SNTG1: variants seen among roughly 807,000 people sequenced by gnomAD.
SNTG1 encodes syntrophin gamma 1.
Under a neutral mutation model 74.7 loss-of-function variants are expected in SNTG1, and 39 were observed. The observed-to-expected ratio is 0.52, with a 90% CI of 0.40 to 0.68. The LOEUF (loss-of-function observed/expected upper bound fraction) is 0.68, where lower values mean the gene tolerates loss of function less well. Ranked by LOEUF, SNTG1 falls within the 30% of genes least tolerant of loss-of-function variation. The pLI, the probability that SNTG1 is intolerant of heterozygous loss-of-function variation, is 0.00. For missense variants in SNTG1, 685 were observed against 609.5 expected (o/e 1.12, Z -1.30); for synonymous variants, 254 against 217.1 (o/e 1.17, Z -1.49).
chr8:50,249,832 A>G lies in SNTG1; in HGVS notation c.-28+77197A>G, dbSNP rs567622264. On this transcript the variant is annotated intron_variant, in intron 2 of 18. Transcript: ENST00000642720. ...CATTTACAGGAAAAAGCTTTTTCCT[A>G]TGAAAGTTATTCCATAAATTGGAAA... Among the ~76,000 whole-genome samples the G allele has an allele frequency of 3.9e-5, 6 of 152,300 alleles. No homozygotes were observed. The South Asian group carries it at 6.2e-4, about 16-fold the overall frequency.
intron 2 of SNTG1, among the ~76,000 whole-genome samples, chr8:50,191,025 T>A (rs1193472160): frequency 6.6e-6 from 1 of 152,208 alleles, no homozygotes; most frequent in Non-Finnish European, 1.5e-5. Context: ...CGCTATTTTT[T>A]CTTTCACTGG....
intron 8 of SNTG1, among the ~76,000 whole-genome samples, chr8:50,482,469 A>C (rs541985656): frequency 2.0e-5 from 3 of 152,278 alleles, no homozygotes; most frequent in Admixed American, 2.0e-4. Context: ...TCTCATTTGA[A>C]AGTATTACAT....
intron 1 of SNTG1, among the ~76,000 whole-genome samples, chr8:50,019,782 A>G (rs867123400): frequency 2.6e-5 from 4 of 152,074 alleles, no homozygotes; most frequent in African/African-American, 9.7e-5. Context: ...ATTGAAATAC[A>G]ATTGTACAAA....
At chr8:49,932,788 C>T (rs1181166732) in intron 1 of SNTG1, among the ~76,000 whole-genome samples, 6 of 152,106 alleles carry the variant, frequency 3.9e-5, no homozygotes, top group Admixed American at 3.9e-4. Flanking sequence ...CCTTTCCTCC[C>T]AGACCTTGGC....
chr8:50,298,658 A>G (rs1041037253), intron 2 of SNTG1, among the ~76,000 whole-genome samples: 6 of 152,166 alleles, frequency 3.9e-5, no homozygotes, highest in Non-Finnish European at 7.4e-5. Context: ...AAAACCTAAC[A>G]AGCTTCAATT....
intron 18 of SNTG1, among the ~76,000 whole-genome samples, chr8:50,774,386 G>A (rs1424902625): frequency 1.3e-5 from 2 of 151,892 alleles, no homozygotes; most frequent in African/African-American, 2.4e-5. Flanking sequence ...GCAAAGAGTC[G>A]TTAATAAGAA....
chr8:49,935,417 G>A, intron 1 of SNTG1, among the ~76,000 whole-genome samples: 1 of 125,822 alleles, frequency 7.9e-6, no homozygotes, highest in Admixed American at 9.3e-5. Flanking sequence ...TTGGTGTCAA[G>A]CACAGGCCTT....
intron 17 of SNTG1, among the ~76,000 whole-genome samples, chr8:50,736,878 C>T (rs902043685): frequency 6.6e-6 from 1 of 151,908 alleles, no homozygotes; most frequent in African/African-American, 2.4e-5. Context: ...AATAAAGACA[C>T]AACGTACCGG....
At chr8:50,467,233 G>A (rs1380535353) in intron 8 of SNTG1, among the ~76,000 whole-genome samples, 2 of 151,892 alleles carry the variant, frequency 1.3e-5, no homozygotes, top group Non-Finnish European at 2.9e-5. Flanking sequence ...CAAAATAGTG[G>A]AGGATTAGTA....
chr8:50,726,622 G>C (rs1470664878), intron 17 of SNTG1, among the ~76,000 whole-genome samples: 3 of 152,174 alleles, frequency 2.0e-5, no homozygotes, highest in Non-Finnish European at 4.4e-5. Context: ...GGCCGAGGCA[G>C]GTGGATCACA....
chr8:50,082,862 C>T (rs564006230), intron 1 of SNTG1, among the ~76,000 whole-genome samples: 1 of 152,292 alleles, frequency 6.6e-6, no homozygotes, highest in South Asian at 2.1e-4. Context: ...GACTATCTGA[C>T]TTCTACAGCT....
intron 1 of SNTG1, among the ~76,000 whole-genome samples, chr8:49,945,861 G>T (rs1336907023): frequency 6.6e-6 from 1 of 152,102 alleles, no homozygotes; most frequent in Admixed American, 6.5e-5. Flanking sequence ...AAGAACAAGG[G>T]GATATTTGCT....
intron 2 of SNTG1, among the ~76,000 whole-genome samples, chr8:50,174,593 C>G (rs62516686): frequency 0.16 from 23,744 of 152,172 alleles, 2,275 homozygotes; most frequent in Middle Eastern, 0.28. Context: ...CCATTATATA[C>G]CCAATGTTTT....
chr8:50,667,715 G>C (rs959656949), intron 15 of SNTG1, among the ~76,000 whole-genome samples: 1 of 151,768 alleles, frequency 6.6e-6, no homozygotes, highest in Non-Finnish European at 1.5e-5. Flanking sequence ...AGTAAAAAGA[G>C]GTGTCTCTGC....
At chr8:50,083,985 C>T (rs1017106135) in intron 1 of SNTG1, among the ~76,000 whole-genome samples, 3 of 152,114 alleles carry the variant, frequency 2.0e-5, no homozygotes, top group Non-Finnish European at 4.4e-5. Flanking sequence ...TAATTTAGAA[C>T]CTCTTTCAAT....
intron 1 of SNTG1, among the ~76,000 whole-genome samples, chr8:50,075,577 G>T (rs181782067): frequency 7.9e-5 from 12 of 152,274 alleles, no homozygotes; most frequent in Non-Finnish European, 1.6e-4. Flanking sequence ...CCAGATAAGG[G>T]AATAAAAGCA....
At chr8:50,221,543 ACACACAC>A (rs1213579571) in intron 2 of SNTG1, among the ~76,000 whole-genome samples, 4 of 151,602 alleles carry the variant, frequency 2.6e-5, no homozygotes, top group Non-Finnish European at 4.4e-5. Context: ...ACACACACAC[ACACACAC>A]AAGACTGACA....
chr8:50,150,556 G>C (rs2082031606), intron 1 of SNTG1, among the ~76,000 whole-genome samples: 2 of 152,110 alleles, frequency 1.3e-5, no homozygotes, highest in Non-Finnish European at 2.9e-5. Context: ...TTATTATTTT[G>C]AGATACGTCC....
intron 9 of SNTG1, among the ~76,000 whole-genome samples, chr8:50,529,919 C>T (rs2094252933): frequency 7.2e-6 from 1 of 139,018 alleles, no homozygotes; most frequent in African/African-American, 2.5e-5. Context: ...TTTTATAAGG[C>T]TGTACATTTT....
Sources: allele counts gnomAD v4.1 joint callset (sites outside exome capture counted in the v4.1 genomes callset), GRCh38; gene constraint gnomAD v4.1.1; transcripts MANE v1.5; gene names NCBI Gene and HGNC (gene_info 2026-07-23, HGNC 2026-07-21).